The following GTF3C1 variants were observed in gnomAD, a reference collection of about 807,000 sequenced individuals.
The protein encoded by GTF3C1 is general transcription factor 3C polypeptide 1.
Under a neutral mutation model 226.7 loss-of-function variants are expected in GTF3C1, and 57 were observed. The ratio of observed to expected loss-of-function variants is 0.25; its 90% CI spans 0.20 to 0.31. GTF3C1 has a LOEUF of 0.31. GTF3C1 is among the 10% of genes least tolerant of loss of function. GTF3C1 has a pLI of 1.00. For missense variants in GTF3C1, 2,217 were observed against 2,776.1 expected (o/e 0.80, Z 4.53); for synonymous variants, 1,090 against 1,084.8 (o/e 1.00, Z -0.09).
At position 27,506,216 on chromosome 16, in the gene GTF3C1, TGA is replaced by T. The variant is rs2088482421; in HGVS notation, c.1553-102_1553-101del. 4 of 653,854 alleles carry T rather than the reference TGA, an allele frequency of 6.1e-6. No individual in the cohort carries two copies. The East Asian group carries it at 8.0e-5, about 13-fold the overall frequency. The allele number at this position is 653,854 out of a possible 1,614,324, so 40.5% of individuals were successfully genotyped here. ...ACCCACACAGGCCAAAGGATTCTGC[TGA>T]GAGTCAGTTGAAAGGTGAGGGAAGT... is the stretch of plus-strand genomic sequence containing the variant. On this transcript the variant is annotated intron_variant, in intron 9 of 36. Coordinates refer to ENST00000356183, the MANE Select transcript of GTF3C1 (RefSeq NM_001520.4).
chr16:27,529,124 GA>G (rs897458152), intron 5 of GTF3C1, among the ~76,000 whole-genome samples: 7 of 151,512 alleles, frequency 4.6e-5, no homozygotes, highest in Middle Eastern at 3.4e-3. Context: ...GGGCAGGAGA[GA>G]AAAAAAAGGG....
In GTF3C1 at chr16:27,461,612, GTTGA is replaced by G. The variant is rs768715952; in HGVS notation, c.6118-54_6118-51del. 410 of 1,363,236 alleles carry G rather than the reference GTTGA, an allele frequency of 3.0e-4. 2 individuals are homozygous for G. The highest frequency in any genetic ancestry group is 1.6e-3 in the Middle Eastern group (9 of 5,530). 84.4% of individuals were successfully genotyped at this position (1,363,236 alleles called of 1,614,324 possible). On this transcript the variant is annotated intron_variant, in intron 36 of 36. Transcript: ENST00000356183. This position sits in a 1 kb window ranked among gnomAD's most constrained non-coding sequence, Gnocchi z 5.3. ...ACAGCGGCACTGCCCTCGCCTGCTT[GTTGA>G]TTTATTCTTCAAGCATTTATGGAAT...
In GTF3C1 at chr16:27,494,889, C is replaced by A. The variant is rs750548965; in HGVS notation, c.2652G>T (p.Ser884=). Residue 884 remains serine, a synonymous_variant, in exon 16 of 37, where the codon TCG becomes TCT. Coordinates refer to ENST00000356183, the MANE Select transcript of GTF3C1 (RefSeq NM_001520.4). ...GGATTGGGGGGATGTAGCGCATCCACGAGGCATCGTCGACATACACTAGGA... is the reference window on the plus strand; with the variant it reads ...GGATTGGGGGGATGTAGCGCATCCAAGAGGCATCGTCGACATACACTAGGA... The part of the protein sequence containing the change: ...ATETVYVDDA[S]WMRYIPPIPV... The A allele has an allele frequency of 2.5e-6, 4 of 1,613,772 alleles. No individual in the cohort carries two copies. The highest frequency in any genetic ancestry group is 3.3e-5 in the Admixed American group (2 of 60,006).
At chr16:27,476,081 A>G (rs2087946188) in intron 29 of GTF3C1, among the ~76,000 whole-genome samples, 1 of 152,178 alleles carries the variant, frequency 6.6e-6, no homozygotes, top group Admixed American at 6.5e-5. Flanking sequence ...CAGCTTGGTA[A>G]TGACAGGTGA....
chr16:27,541,382 C>G (rs2089079480), intron 2 of GTF3C1, among the ~76,000 whole-genome samples: 1 of 152,158 alleles, frequency 6.6e-6, no homozygotes, highest in African/African-American at 2.4e-5. Flanking sequence ...CTGGGGAGTT[C>G]AGATTCTATA....
chr16:27,497,854 G>A (rs2088343395), intron 13 of GTF3C1, 33 bp from the exon 14 acceptor site: 2 of 1,552,902 alleles, frequency 1.3e-6, no homozygotes. Context: ...ATAATGTACT[G>A]AGAAAATCAA....
At chr16:27,512,501 G>A (rs1362931653) in intron 6 of GTF3C1, among the ~76,000 whole-genome samples, 17 of 152,046 alleles carry the variant, frequency 1.1e-4, no homozygotes, top group Admixed American at 6.6e-4. Context: ...ATCTACTACA[G>A]CACTCTTTAT....
chr16:27,482,178 T>G (rs2088061524), intron 26 of GTF3C1, among the ~76,000 whole-genome samples: 1 of 152,162 alleles, frequency 6.6e-6, no homozygotes, highest in Non-Finnish European at 1.5e-5. Context: ...TGTGAGGACT[T>G]GAGCTCTCAT....
intron 6 of GTF3C1, among the ~76,000 whole-genome samples, chr16:27,519,016 G>C (rs763066716): frequency 6.6e-6 from 1 of 152,172 alleles, no homozygotes; most frequent in Non-Finnish European, 1.5e-5. Flanking sequence ...TGGGAAATGT[G>C]CTATAACACC....
At chr16:27,503,558 C>T (rs983723238) in intron 10 of GTF3C1, among the ~76,000 whole-genome samples, 1 of 152,090 alleles carries the variant, frequency 6.6e-6, no homozygotes, top group African/African-American at 2.4e-5. Context: ...TGAGGTAGAG[C>T]GGGGCTCTTG....
intron 5 of GTF3C1, among the ~76,000 whole-genome samples, chr16:27,531,283 C>T (rs1263981329): frequency 1.3e-5 from 2 of 152,246 alleles, no homozygotes; most frequent in Non-Finnish European, 2.9e-5. Context: ...GTGCCAGCTG[C>T]CCTCTGGATT....
chr16:27,489,804 T>TA (rs1464214231), intron 19 of GTF3C1, 61 bp from the exon 20 acceptor site: 2 of 1,543,544 alleles, frequency 1.3e-6, no homozygotes, highest in East Asian at 4.6e-5. Context: ...TGGTGGCTAC[T>TA]ACCTCTGGCT....
chr16:27,493,724 G>A (rs1342494051), intron 16 of GTF3C1, among the ~76,000 whole-genome samples: 1 of 152,118 alleles, frequency 6.6e-6, no homozygotes, highest in Non-Finnish European at 1.5e-5. Flanking sequence ...TCATCAACAT[G>A]TCATAATAAA....
chr16:27,510,945 C>T (rs898274041), intron 7 of GTF3C1, among the ~76,000 whole-genome samples: 2 of 152,186 alleles, frequency 1.3e-5, no homozygotes, highest in Non-Finnish European at 2.9e-5. Context: ...CTTCTCAGTG[C>T]TTTCTATGCA....
chr16:27,509,285 G>A (rs929095375), intron 7 of GTF3C1, among the ~76,000 whole-genome samples: 1 of 152,200 alleles, frequency 6.6e-6, no homozygotes, highest in Non-Finnish European at 1.5e-5. Context: ...GCTGGTGTAT[G>A]TCAGGATTGT....
Position 27,461,551 on chromosome 16 carries a change from G to A in GTF3C1, c.6129C>T (p.Ser2043=). 1 of 1,613,084 alleles carries A rather than the reference G, an allele frequency of 6.2e-7. No individual in the cohort carries two copies. The highest frequency in any genetic ancestry group is 8.5e-7 in the Non-Finnish European group (1 of 1,179,428). The part of the protein sequence containing the change: ...AVLELLQGLE[S]LGCIRKRWLR... ...GCCAGCGCTTCCGGATGCAGCCGAG[G>A]GACTCCAGGCCCTGGAGACACCAGA... The change falls in exon 37 of 37, where the codon TCC becomes TCT. Residue 2043 remains serine (S), a synonymous_variant. Transcript: ENST00000356183. The surrounding 1 kb of genome is among the most constrained non-coding windows in gnomAD (Gnocchi z 5.3).
At chr16:27,489,491 G>T (rs2088199122) in intron 20 of GTF3C1, 111 bp downstream of exon 20, 1 of 801,786 alleles carries the variant, frequency 1.2e-6, no homozygotes, top group South Asian at 1.7e-5. Flanking sequence ...CTGCACCGGA[G>T]ACACAGGCCG....
chr16:27,508,649 C>A lies in GTF3C1; in HGVS notation c.1133G>T (p.Arg378Leu), dbSNP rs745653463. The change falls in exon 8 of 37, where the codon CGC becomes CTC. Residue 378 changes from arginine to leucine, a missense_variant. By Grantham distance (102) the Arg-to-Leu change is moderately radical. Coordinates refer to ENST00000356183, the MANE Select transcript of GTF3C1 (RefSeq NM_001520.4). ...MLTQTYDLIE[R>L]RGTKGISQAE... is the part of the protein sequence containing the mutation. ...TTGGGAAATTCCTTTCGTGCCTCTGCGCTCAACTGTGAGAAACAATACACG... is the reference window on the plus strand; with the variant it reads ...TTGGGAAATTCCTTTCGTGCCTCTGAGCTCAACTGTGAGAAACAATACACG... 1 of 1,612,978 alleles carries A rather than the reference C, an allele frequency of 6.2e-7. No individual in the cohort carries two copies. Among genetic ancestry groups the A allele is most frequent in the Non-Finnish European group, 8.5e-7 (1 of 1,179,076 alleles).
chr16:27,485,885 G>T, intron 24 of GTF3C1, 112 bp downstream of exon 24: 1 of 642,474 alleles, frequency 1.6e-6, no homozygotes. Context: ...TCCCAGTGGC[G>T]AAGCAGAGCA....
Sources: gnomAD v4.1 joint callset for allele counts (sites outside exome capture counted in the v4.1 genomes callset) on GRCh38, gnomAD v4.1.1 for gene constraint, Gnocchi (gnomAD v3.1) non-coding constraint, MANE v1.5 for transcripts, NCBI Gene and HGNC (gene_info 2026-07-23, HGNC 2026-07-21) for gene names.